Variants in LSAMP observed in about 807,000 individuals in gnomAD.
LSAMP encodes limbic system associated membrane protein.
In LSAMP, 7 loss-of-function variants were observed where a neutral mutation model predicts 38.6. The ratio of observed to expected loss-of-function variants is 0.18; its 90% CI spans 0.10 to 0.34. LSAMP has a LOEUF of 0.34. Ranked by LOEUF, LSAMP falls within the 10% of genes least tolerant of loss-of-function variation. The probability of loss-of-function intolerance (pLI) is 1.00; values close to 1 mark genes in which losing one functional copy is unlikely to be tolerated. For synonymous variants in LSAMP, 154 were observed against 166.8 expected (o/e 0.92, Z 0.59); for missense variants, 313 against 420.0 (o/e 0.75, Z 2.23).
At chr3:116,385,867 T>G (rs1191736884) in intron 1 of LSAMP, among the ~76,000 whole-genome samples, 1 of 152,050 alleles carries the variant, frequency 6.6e-6, no homozygotes, top group Non-Finnish European at 1.5e-5. Flanking sequence ...ATATTAAAAT[T>G]TTTGAGTTGT....
chr3:116,349,751 G>T (rs372976086), intron 1 of LSAMP, among the ~76,000 whole-genome samples: 1 of 151,904 alleles, frequency 6.6e-6, no homozygotes, highest in Admixed American at 6.6e-5. Flanking sequence ...GTAGTCACAC[G>T]CCTGGGATTT....
At chr3:115,868,618 T>C (rs1935927749) in intron 3 of LSAMP, among the ~76,000 whole-genome samples, 1 of 152,110 alleles carries the variant, frequency 6.6e-6, no homozygotes, top group African/African-American at 2.4e-5. Flanking sequence ...GTTGAAGATA[T>C]GAAACTTAAT....
chr3:116,148,554 G>A (rs571034443), intron 1 of LSAMP, among the ~76,000 whole-genome samples: 1 of 152,122 alleles, frequency 6.6e-6, no homozygotes, highest in South Asian at 2.1e-4. Context: ...TGATCAAGAA[G>A]TAGAGAAGTA....
At chr3:116,092,495 T>A (rs147874883) in intron 1 of LSAMP, among the ~76,000 whole-genome samples, 1 of 152,296 alleles carries the variant, frequency 6.6e-6, no homozygotes, top group East Asian at 1.9e-4. Flanking sequence ...CTACTGGAAC[T>A]GCAAATCTAT....
At chr3:115,965,287 T>C (rs750732812) in intron 3 of LSAMP, among the ~76,000 whole-genome samples, 2 of 152,020 alleles carry the variant, frequency 1.3e-5, no homozygotes, top group African/African-American at 4.8e-5. Context: ...ACATTTAAAC[T>C]ATAACAATTG....
chr3:116,064,127 C>G (rs551491538), intron 2 of LSAMP, among the ~76,000 whole-genome samples: 2 of 152,342 alleles, frequency 1.3e-5, no homozygotes, highest in Non-Finnish European at 2.9e-5. Flanking sequence ...GGTATAACCT[C>G]TTCCTCTTTA....
At chr3:115,864,775 G>A (rs1935811251) in intron 3 of LSAMP, among the ~76,000 whole-genome samples, 1 of 152,122 alleles carries the variant, frequency 6.6e-6, no homozygotes, top group Non-Finnish European at 1.5e-5. Flanking sequence ...TTAATAGAGT[G>A]TACATGGAGA....
chr3:116,311,213 T>C (rs1335214548), intron 1 of LSAMP, among the ~76,000 whole-genome samples: 2 of 152,178 alleles, frequency 1.3e-5, no homozygotes, highest in African/African-American at 4.8e-5. Flanking sequence ...TCAATTCCCA[T>C]TCCTTCTCGT....
chr3:116,172,732 T>C (rs530165887), intron 1 of LSAMP, among the ~76,000 whole-genome samples: 1 of 152,126 alleles, frequency 6.6e-6, no homozygotes, highest in African/African-American at 2.4e-5. Context: ...CTAATTTCTC[T>C]CAATTCTTCT....
intron 1 of LSAMP, among the ~76,000 whole-genome samples, chr3:116,158,593 T>G (rs1709812039): frequency 1.3e-5 from 2 of 152,014 alleles, no homozygotes; most frequent in African/African-American, 4.8e-5. Flanking sequence ...CACAATCCCA[T>G]TTGCAATAGC....
intron 2 of LSAMP, among the ~76,000 whole-genome samples, chr3:116,083,626 GT>G (rs1381472399): frequency 6.6e-6 from 1 of 152,174 alleles, no homozygotes; most frequent in East Asian, 1.9e-4. Flanking sequence ...ATAATGATTA[GT>G]TGAACTGAAT....
chr3:115,950,994 T>A (rs1231535931), intron 3 of LSAMP, among the ~76,000 whole-genome samples: 1 of 152,112 alleles, frequency 6.6e-6, no homozygotes, highest in Non-Finnish European at 1.5e-5. Flanking sequence ...CAACTGACAT[T>A]TGACAAAGCA....
At chr3:116,112,680 G>A (rs1708642847) in intron 1 of LSAMP, among the ~76,000 whole-genome samples, 1 of 152,120 alleles carries the variant, frequency 6.6e-6, no homozygotes, top group African/African-American at 2.4e-5. Context: ...CCACAGGCAG[G>A]TTTAGGATCT....
intron 1 of LSAMP, among the ~76,000 whole-genome samples, chr3:116,323,935 C>CA (rs1223351449): frequency 6.6e-6 from 1 of 152,064 alleles, no homozygotes; most frequent in African/African-American, 2.4e-5. Flanking sequence ...TGCAATTATT[C>CA]AAAAAATGAT....
chr3:116,298,379 G>A (rs1023451814), intron 1 of LSAMP, among the ~76,000 whole-genome samples: 22 of 152,006 alleles, frequency 1.4e-4, no homozygotes, highest in African/African-American at 5.3e-4. Flanking sequence ...TATATTTGCT[G>A]GCTCCACATG....
At chr3:116,236,205 T>C (rs2046463976) in intron 1 of LSAMP, among the ~76,000 whole-genome samples, 2 of 152,116 alleles carry the variant, frequency 1.3e-5, no homozygotes, top group South Asian at 4.1e-4. Context: ...AAAATCATGA[T>C]TTGCTTAGAA....
At chr3:115,963,676 G>T (rs1289079817) in intron 3 of LSAMP, among the ~76,000 whole-genome samples, 2 of 152,176 alleles carry the variant, frequency 1.3e-5, no homozygotes, top group African/African-American at 4.8e-5. Flanking sequence ...AGACATAAGA[G>T]GTAGAAGCTT....
chr3:116,412,201 T>C (rs1465899448), intron 1 of LSAMP, among the ~76,000 whole-genome samples: 1 of 152,086 alleles, frequency 6.6e-6, no homozygotes, highest in Non-Finnish European at 1.5e-5. Flanking sequence ...TAATTATTCA[T>C]ACATGATTAT....
chr3:116,047,800 A>G (rs577613263), intron 2 of LSAMP, among the ~76,000 whole-genome samples: 4 of 152,338 alleles, frequency 2.6e-5, no homozygotes, highest in Admixed American at 2.0e-4. Context: ...ATCATGTACA[A>G]TGGATGTTTC....
Sources: allele counts gnomAD v4.1 joint callset (sites outside exome capture counted in the v4.1 genomes callset), GRCh38; gene constraint gnomAD v4.1.1; transcripts MANE v1.5; gene names NCBI Gene and HGNC (gene_info 2026-07-23, HGNC 2026-07-21).